Variants in RABGAP1 observed in about 807,000 individuals in gnomAD.
RABGAP1 encodes the protein RAB GTPase activating protein 1.
In RABGAP1, 23 loss-of-function variants were observed where a neutral mutation model predicts 137.6. The observed-to-expected ratio is 0.17, with a 90% CI of 0.12 to 0.24. The LOEUF (loss-of-function observed/expected upper bound fraction) is 0.24. Among genes scored for constraint, RABGAP1 ranks in the 10% least tolerant of loss-of-function variants. RABGAP1 has a pLI of 1.00. For synonymous variants in RABGAP1, 451 were observed against 450.7 expected (o/e 1.00, Z -0.01); for missense variants, 906 against 1,275.8 (o/e 0.71, Z 4.42).
chr9:122,978,264 A>G (rs1193820838), intron 2 of RABGAP1, among the ~76,000 whole-genome samples: 1 of 152,212 alleles, frequency 6.6e-6, no homozygotes, highest in East Asian at 1.9e-4. Context: ...AAATGGAGTC[A>G]TACAGTATGT....
At chr9:122,975,647 G>A (rs571493214) in intron 2 of RABGAP1, among the ~76,000 whole-genome samples, 1 of 152,312 alleles carries the variant, frequency 6.6e-6, no homozygotes, top group East Asian at 1.9e-4. Flanking sequence ...GTGGATCAGA[G>A]TTTCTTTAGA....
upstream of RABGAP1, among the ~76,000 whole-genome samples, chr9:122,936,167 G>T (rs1405688401): frequency 6.6e-6 from 1 of 151,948 alleles, no homozygotes; most frequent in African/African-American, 2.4e-5. Context: ...ATATCATGTT[G>T]TTAATAGAGT....
chr9:123,029,314 C>A, intron 13 of RABGAP1: 1 of 647,788 alleles, frequency 1.5e-6, no homozygotes, highest in Non-Finnish European at 2.7e-6. Flanking sequence ...ATGTTTAAAG[C>A]TCATTTTTTT....
At chr9:122,952,973 C>A (rs750213773) in intron 1 of RABGAP1, among the ~76,000 whole-genome samples, 1 of 152,014 alleles carries the variant, frequency 6.6e-6, no homozygotes, top group Non-Finnish European at 1.5e-5. Flanking sequence ...ACATTTTATT[C>A]CTTTCTGTGA....
intron 19 of RABGAP1, among the ~76,000 whole-genome samples, chr9:123,081,799 A>C (rs1828629315): frequency 6.6e-6 from 1 of 152,210 alleles, no homozygotes; most frequent in Non-Finnish European, 1.5e-5. Context: ...TATAGTTCTT[A>C]AAAGCATCTT....
intron 9 of RABGAP1, among the ~76,000 whole-genome samples, chr9:122,997,632 T>A (rs1334094370): frequency 1.3e-5 from 2 of 152,226 alleles, no homozygotes; most frequent in African/African-American, 4.8e-5. Flanking sequence ...TTATAAGTTT[T>A]ATTTTTGTAC....
At chr9:122,942,174 A>C (rs767423295) in intron 1 of RABGAP1, among the ~76,000 whole-genome samples, 3 of 152,240 alleles carry the variant, frequency 2.0e-5, no homozygotes, top group Non-Finnish European at 2.9e-5. Context: ...AAAACAAAAC[A>C]AAACAAAACA....
intron 2 of RABGAP1, among the ~76,000 whole-genome samples, chr9:122,959,337 G>C (rs972143535): frequency 8.1e-6 from 1 of 123,704 alleles, no homozygotes; most frequent in Non-Finnish European, 1.6e-5. Context: ...GAACCCTGTG[G>C]AGCTTAATAG....
At chr9:123,099,412 A>G (rs1446369183) in intron 23 of RABGAP1, 66 bp from the exon 24 acceptor site, 2 of 1,417,516 alleles carry the variant, frequency 1.4e-6, no homozygotes, top group Admixed American at 3.4e-5. Flanking sequence ...TCCAGCTTCC[A>G]CTATGGAATT....
intron 11 of RABGAP1, among the ~76,000 whole-genome samples, chr9:123,012,870 G>A (rs75525383): frequency 0.016 from 2,379 of 152,246 alleles, 35 homozygotes; most frequent in South Asian, 0.066. Context: ...TCTCCCTAAC[G>A]CAGTGTACAA....
At chr9:122,961,192 A>G (rs1377127652) in intron 2 of RABGAP1, among the ~76,000 whole-genome samples, 1 of 152,158 alleles carries the variant, frequency 6.6e-6, no homozygotes, top group Non-Finnish European at 1.5e-5. Flanking sequence ...TCCATGTAGG[A>G]TAGATGCAAA....
At chr9:122,972,740 A>G (rs899302385) in intron 2 of RABGAP1, among the ~76,000 whole-genome samples, 3 of 152,148 alleles carry the variant, frequency 2.0e-5, no homozygotes, top group African/African-American at 7.2e-5. Context: ...ATGGAAACCT[A>G]ATTCAGCTTG....
chr9:123,078,789 C>T (rs973144299), intron 19 of RABGAP1, among the ~76,000 whole-genome samples: 2 of 152,126 alleles, frequency 1.3e-5, no homozygotes, highest in African/African-American at 4.8e-5. Context: ...CTATGCTCGT[C>T]GTCAGAATAT....
chr9:123,044,103 C>T (rs1456274879), intron 13 of RABGAP1, among the ~76,000 whole-genome samples: 3 of 151,948 alleles, frequency 2.0e-5, no homozygotes, highest in Non-Finnish European at 4.4e-5. Context: ...CGGGGTTTCA[C>T]CATGTTATCC....
intron 13 of RABGAP1, among the ~76,000 whole-genome samples, chr9:123,060,960 A>G (rs1009546039): frequency 6.6e-6 from 1 of 152,224 alleles, no homozygotes; most frequent in African/African-American, 2.4e-5. Flanking sequence ...AATTAATAAC[A>G]TGTTAGTATA....
At chr9:122,957,637 A>G (rs541026453) in intron 2 of RABGAP1, among the ~76,000 whole-genome samples, 3 of 151,944 alleles carry the variant, frequency 2.0e-5, no homozygotes, top group Admixed American at 6.6e-5. Flanking sequence ...TTTCTCAGCC[A>G]CTATTACTTA....
At chr9:123,024,046 A>G (rs1185020544) in intron 13 of RABGAP1, among the ~76,000 whole-genome samples, 1 of 152,164 alleles carries the variant, frequency 6.6e-6, no homozygotes, top group South Asian at 2.1e-4. Context: ...CATGTGGGAA[A>G]TTTTCAATAT....
intron 19 of RABGAP1, 177 bp from the exon 20 acceptor site, chr9:123,089,581 T>C (rs2034975848): frequency 1.8e-6 from 1 of 545,116 alleles, no homozygotes; most frequent in Non-Finnish European, 3.3e-6. Flanking sequence ...GCATTGAGAA[T>C]TTGGGGTCCT....
At position 123,089,804 on chromosome 9, in the gene RABGAP1, T is replaced by C; in HGVS notation, c.2471T>C (p.Met824Thr). The C allele has an allele frequency of 1.2e-6, 2 of 1,613,840 alleles. No homozygotes were observed. Among genetic ancestry groups the C allele is most frequent in the Non-Finnish European group, 8.5e-7 (1 of 1,179,814 alleles). Residue 824 changes from methionine to threonine, a missense_variant, in exon 20 of 26, where the codon ATG becomes ACG. By Grantham distance (81) the Met-to-Thr change is moderately conservative. This residue lies in a region of RABGAP1 where 77 missense variants were observed against 105.6 expected (regional missense o/e 0.73). Transcript: ENST00000373647. ...LKKYEKEYHT[M>T]REQQAQQEDP... ...AAATACGAGAAAGAATATCACACCA[T>C]GAGGGAACAGCAGGCCCAGCAAGAA...
Sources: allele counts gnomAD v4.1 joint callset (sites outside exome capture counted in the v4.1 genomes callset), GRCh38; gene constraint gnomAD v4.1.1; regional missense constraint gnomAD v4.1.1; transcripts MANE v1.5; gene names NCBI Gene and HGNC (gene_info 2026-07-23, HGNC 2026-07-21).